RIPK4: variants seen among roughly 807,000 people sequenced by gnomAD.
RIPK4 encodes the protein receptor interacting serine/threonine kinase 4, also known as receptor-interacting serine/threonine-protein kinase 4.
A neutral mutation model predicts 42.9 loss-of-function variants in RIPK4; 17 were observed. The ratio of observed to expected loss-of-function variants is 0.40; its 90% CI spans 0.27 to 0.59. The LOEUF (loss-of-function observed/expected upper bound fraction) is 0.59, where lower values mean the gene tolerates loss of function less well. Ranked by LOEUF, RIPK4 falls within the 20% of genes least tolerant of loss-of-function variation. The probability of loss-of-function intolerance (pLI) is 0.47; values close to 1 mark genes in which losing one functional copy is unlikely to be tolerated. For synonymous variants in RIPK4, 498 were observed against 499.1 expected (o/e 1.00, Z 0.03); for missense variants, 897 against 1,104.4 (o/e 0.81, Z 2.66).
At chr21:41,757,666 T>C (rs971951302) in intron 1 of RIPK4, among the ~76,000 whole-genome samples, 2 of 151,764 alleles carry the variant, frequency 1.3e-5, no homozygotes, top group African/African-American at 4.8e-5. Flanking sequence ...GTCCAAAGCA[T>C]GGGGTTGCCA....
At chr21:41,763,397 G>A (rs1008714197) in intron 1 of RIPK4, among the ~76,000 whole-genome samples, 1 of 152,234 alleles carries the variant, frequency 6.6e-6, no homozygotes, top group African/African-American at 2.4e-5. Context: ...AAAGACCTGT[G>A]GACCAGGCCA....
intron 5 of RIPK4, 86 bp from the exon 6 acceptor site, chr21:41,745,948 C>G (rs770094404): frequency 9.0e-7 from 1 of 1,113,780 alleles, no homozygotes. Context: ...CCCCCACGAG[C>G]TGGGGGATTT....
chr21:41,761,108 G>A (rs1392279865), intron 1 of RIPK4, among the ~76,000 whole-genome samples: 1 of 152,214 alleles, frequency 6.6e-6, no homozygotes, highest in Non-Finnish European at 1.5e-5. Context: ...GGGATGGGGG[G>A]TGCAGATCAG....
Position 41,751,851 on chromosome 21 carries a change from C to A in RIPK4, c.475-606G>T, listed in dbSNP as rs1186629058. On this transcript the variant is annotated intron_variant, in intron 2 of 7. Coordinates refer to ENST00000332512, the MANE Select transcript of RIPK4 (RefSeq NM_020639.3). This position sits in a 1 kb window ranked among gnomAD's most constrained non-coding sequence, Gnocchi z 4.5. ...TTTGTGATCAGCAGACACTGGCTGG[C>A]TGCTTCAAACACATGTGTTCGAGTG... 6.6e-6 allele frequency among the ~76,000 whole-genome samples: 1 copy of A among 152,226 alleles called. No individual in the cohort carries two copies. The highest frequency in any genetic ancestry group is 1.5e-5 in the Non-Finnish European group (1 of 68,044).
Position 41,745,781 on chromosome 21 carries a change from C to G in RIPK4, c.914G>C (p.Ser305Thr). The part of the protein sequence containing the change: ...KETAHDLDVK[S>T]PPEPRSEVVP... The stretch of plus-strand genomic sequence containing the variant: ...TACCTCGCTCCTGGGCTCCGGGGGG[C>G]TTTTCACGTCCAGATCATGAGCAGT... The change falls in exon 6 of 8, where the codon AGC becomes ACC. Residue 305 changes from serine to threonine, a missense_variant. Ser to Thr is a moderately conservative substitution (Grantham distance 58). Coordinates refer to ENST00000332512, the MANE Select transcript of RIPK4 (RefSeq NM_020639.3). 1 of 1,614,124 alleles carries G rather than the reference C, an allele frequency of 6.2e-7. No homozygotes were observed. Among genetic ancestry groups the G allele is most frequent in the Non-Finnish European group, 8.5e-7 (1 of 1,179,974 alleles).
chr21:41,751,371 C>CGTGTCT lies in RIPK4; in HGVS notation c.475-132_475-127dup. On this transcript the variant is annotated intron_variant, in intron 2 of 7. Transcript: ENST00000332512. The surrounding 1 kb of genome is among the most constrained non-coding windows in gnomAD (Gnocchi z 4.5). ...GAGCTTTCCAGGAGCCCCTAAGAGC[C>CGTGTCT]GTGTCTGTGCCTCTCCAGGTAGCCC... The CGTGTCT allele has an allele frequency of 7.8e-7, 1 of 1,277,628 alleles. No individual in the cohort carries two copies. Among genetic ancestry groups the CGTGTCT allele is most frequent in the Non-Finnish European group, 1.1e-6 (1 of 938,230 alleles). 79.1% of individuals were successfully genotyped at this position (1,277,628 alleles called of 1,614,324 possible).
Position 41,742,057 on chromosome 21 carries a change from T to C in RIPK4, c.1196-60A>G. The C allele has an allele frequency of 2.1e-6, 3 of 1,432,676 alleles. No individual in the cohort carries two copies. The highest frequency in any genetic ancestry group is 2.8e-6 in the Non-Finnish European group (3 of 1,058,476). 88.7% of individuals were successfully genotyped at this position (1,432,676 alleles called of 1,614,324 possible). A position where few individuals can be genotyped will look rare whatever the true frequency, so the allele number is the denominator to read the frequency against. ...GCTGCACATCCAGGGACGTGGCGTC[T>C]CTGGGAGCCTGGCTGTGGCGCTCAG... On this transcript the variant is annotated intron_variant, in intron 7 of 7. Coordinates refer to ENST00000332512, the MANE Select transcript of RIPK4 (RefSeq NM_020639.3). The surrounding 1 kb of genome is among the most constrained non-coding windows in gnomAD (Gnocchi z 5.1).
intron 1 of RIPK4, among the ~76,000 whole-genome samples, chr21:41,757,581 G>A (rs2061207638): frequency 2.0e-5 from 3 of 151,038 alleles, no homozygotes; most frequent in South Asian, 2.1e-4. Flanking sequence ...CACCTTCTCC[G>A]TTTAAGCCCA....
chr21:41,760,242 A>G (rs1003307483), intron 1 of RIPK4, among the ~76,000 whole-genome samples: 15 of 152,240 alleles, frequency 9.9e-5, no homozygotes, highest in African/African-American at 3.1e-4. Flanking sequence ...CACCTGACCT[A>G]TATTTTAAGC....
intron 1 of RIPK4, among the ~76,000 whole-genome samples, chr21:41,764,809 A>C (rs1288187184): frequency 2.6e-5 from 4 of 152,230 alleles, no homozygotes; most frequent in Admixed American, 6.5e-5. Flanking sequence ...AACTTCTCAG[A>C]AAGATCAGCC....
chr21:41,751,382 C>T lies in RIPK4; in HGVS notation c.475-137G>A. 2.5e-6 allele frequency: 3 copies of T among 1,188,512 alleles called. No individual in the cohort carries two copies. The highest frequency in any genetic ancestry group is 3.1e-5 in the South Asian group (2 of 64,242). The allele number at this position is 1,188,512 out of a possible 1,614,324, so 73.6% of individuals were successfully genotyped here. A position where few individuals can be genotyped will look rare whatever the true frequency, so the allele number is the denominator to read the frequency against. On this transcript the variant is annotated intron_variant, in intron 2 of 7. Transcript: ENST00000332512. The surrounding 1 kb of genome is among the most constrained non-coding windows in gnomAD (Gnocchi z 4.5). The stretch of plus-strand genomic sequence containing the variant: ...GAGCCCCTAAGAGCCGTGTCTGTGC[C>T]TCTCCAGGTAGCCCTGCCCCAGGCA...
Position 41,741,764 on chromosome 21 carries a change from T to G in RIPK4, c.1429A>C (p.Met477Leu). 6.2e-7 allele frequency: 1 copy of G among 1,611,940 alleles called. No individual in the cohort carries two copies. The highest frequency in any genetic ancestry group is 1.1e-5 in the South Asian group (1 of 91,084). ...SNRRGSTPLH[M>L]AVERRVRGVV... ...CCCCGCACCCTCCTCTCCACGGCCA[T>G]GTGCAACGGGGTGGAGCCCCTACGG... The change falls in exon 8 of 8, where the codon ATG (methionine) becomes CTG (leucine). Residue 477 changes from methionine to leucine, a missense_variant. Physicochemically the swap from Met to Leu is conservative, Grantham distance 15. Transcript: ENST00000332512.
intron 2 of RIPK4, among the ~76,000 whole-genome samples, chr21:41,752,258 C>T (rs1443815044): frequency 1.3e-5 from 2 of 152,200 alleles, no homozygotes; most frequent in Non-Finnish European, 2.9e-5. Flanking sequence ...CTCTTGAGCT[C>T]CTCTCAAACA....
rs1316649889 is a variant in RIPK4, at chr21:41,741,442, G to A, written c.1751C>T (p.Pro584Leu). 1.2e-6 allele frequency: 2 copies of A among 1,612,848 alleles called. No homozygotes were observed. The highest frequency in any genetic ancestry group is 1.1e-5 in the South Asian group (1 of 91,082). The change falls in exon 8 of 8, where the codon CCC (proline) becomes CTC (leucine). Residue 584 changes from proline to leucine, a missense_variant. Pro to Leu is a moderately conservative substitution (Grantham distance 98). Transcript: ENST00000332512. ...LHYAAWQGHL[P>L]IVKLLAKQPG... ...CTGCTTGGCCAGCAGCTTGACGATG[G>A]GCAGGTGGCCCTGCCAGGCAGCGTA...
At chr21:41,753,994 A>G (rs1288462897) in intron 2 of RIPK4, among the ~76,000 whole-genome samples, 1 of 152,196 alleles carries the variant, frequency 6.6e-6, no homozygotes, top group African/African-American at 2.4e-5. Context: ...TTTGTATACT[A>G]TTTACATTTA....
chr21:41,741,804 G>T lies in RIPK4; in HGVS notation c.1389C>A (p.Asn463Lys), dbSNP rs1234500514. The change falls in exon 8 of 8, where the codon AAC becomes AAA. Residue 463 changes from asparagine to lysine, a missense_variant. Transcript: ENST00000332512. Reference sequence around the variant, plus strand: ...AGCCCCTACGGTTGCTCAGGTTGGGGTTGGCATTGTTGAGCAGCAGCCACT... The same window carrying T: ...AGCCCCTACGGTTGCTCAGGTTGGGTTTGGCATTGTTGAGCAGCAGCCACT... ...CAKWLLLNNANPNLSNRRGST... is the reference protein window; with the variant it reads ...CAKWLLLNNAKPNLSNRRGST... The T allele has an allele frequency of 6.2e-7, 1 of 1,611,396 alleles. No homozygotes were observed. Among genetic ancestry groups the T allele is most frequent in the Non-Finnish European group, 8.5e-7 (1 of 1,180,020 alleles).
In RIPK4 at chr21:41,755,414, C is replaced by T. The variant is rs1022940903; in HGVS notation, c.474+1111G>A. Among the ~76,000 whole-genome samples, 4 of 152,204 alleles carry T rather than the reference C, an allele frequency of 2.6e-5. No homozygotes were observed. The highest frequency in any genetic ancestry group is 5.9e-5 in the Non-Finnish European group (4 of 68,032). ...GCAAGGCACGCGAGATGCACTCGTC[C>T]GCAGAGTCTGGGCACAGGGAGCGGC... On this transcript the variant is annotated intron_variant, in intron 2 of 7. Transcript: ENST00000332512. The surrounding 1 kb of genome is among the most constrained non-coding windows in gnomAD (Gnocchi z 4.2).
chr21:41,765,299 CA>C (rs1446371995), intron 1 of RIPK4, among the ~76,000 whole-genome samples: 1 of 152,322 alleles, frequency 6.6e-6, no homozygotes, highest in Middle Eastern at 3.4e-3. Context: ...TGGATTTCAT[CA>C]AAATAACCAC....
intron 1 of RIPK4, among the ~76,000 whole-genome samples, chr21:41,762,859 TCA>T (rs1350712867): frequency 6.6e-6 from 1 of 152,120 alleles, no homozygotes; most frequent in East Asian, 1.9e-4. Context: ...GCACAGAACA[TCA>T]CACAGTCACA....
Sources: allele counts gnomAD v4.1 joint callset (sites outside exome capture counted in the v4.1 genomes callset), GRCh38; gene constraint gnomAD v4.1.1; non-coding constraint Gnocchi (gnomAD v3.1); transcripts MANE v1.5; gene names NCBI Gene and HGNC (gene_info 2026-07-23, HGNC 2026-07-21).